Variants in CTNNA3 observed in about 807,000 individuals in gnomAD.
CTNNA3 encodes catenin alpha 3.
Under a neutral mutation model 95.7 loss-of-function variants are expected in CTNNA3, and 76 were observed. The observed-to-expected ratio is 0.79, with a 90% CI of 0.66 to 0.96. The LOEUF (loss-of-function observed/expected upper bound fraction) is 0.96. CTNNA3 is among the 40% of genes least tolerant of loss of function. The pLI is 0.00. For missense variants in CTNNA3, 1,191 were observed against 1,089.8 expected (o/e 1.09, Z -1.31); for synonymous variants, 431 against 374.4 (o/e 1.15, Z -1.74).
intron 5 of CTNNA3, among the ~76,000 whole-genome samples, chr10:67,385,367 C>T (rs753869226): frequency 6.6e-6 from 1 of 152,134 alleles, no homozygotes; most frequent in Non-Finnish European, 1.5e-5. Flanking sequence ...CAGAAGTTTT[C>T]TTTCAGAAAC....
chr10:66,202,249 G>C (rs7092793), intron 13 of CTNNA3, among the ~76,000 whole-genome samples: 125,904 of 152,208 alleles, frequency 0.83, 52,217 homozygotes, highest in South Asian at 0.92. Flanking sequence ...TCAAGTTCAG[G>C]CTAAAGGTTT....
intron 10 of CTNNA3, among the ~76,000 whole-genome samples, chr10:66,587,786 C>T (rs888692035): frequency 3.3e-5 from 5 of 152,148 alleles, no homozygotes; most frequent in African/African-American, 1.2e-4. Context: ...GTACGTAGAA[C>T]TAAAAACTGC....
intron 5 of CTNNA3, among the ~76,000 whole-genome samples, chr10:67,303,813 A>G (rs183136902): frequency 5.8e-4 from 89 of 152,240 alleles, no homozygotes; most frequent in African/African-American, 2.1e-3. Flanking sequence ...TCCATGCCGC[A>G]TCTGCTAAGT....
chr10:67,528,246 GAAAT>G (rs1840210111), intron 4 of CTNNA3, among the ~76,000 whole-genome samples: 1 of 152,112 alleles, frequency 6.6e-6, no homozygotes, highest in African/African-American at 2.4e-5. Flanking sequence ...TTTATGATGA[GAAAT>G]AAAGTTTATA....
chr10:66,687,368 C>T (rs1351757839), intron 9 of CTNNA3, among the ~76,000 whole-genome samples: 1 of 152,048 alleles, frequency 6.6e-6, no homozygotes, highest in Non-Finnish European at 1.5e-5. Flanking sequence ...CATTTCTTCT[C>T]AGCGAATTTC....
intron 12 of CTNNA3, among the ~76,000 whole-genome samples, chr10:66,331,498 C>T (rs543364703): frequency 6.6e-5 from 10 of 150,996 alleles, no homozygotes; most frequent in South Asian, 6.3e-4. Flanking sequence ...GGACTACAGG[C>T]GCGCACCACC....
At chr10:67,208,556 T>C (rs1275775865) in intron 6 of CTNNA3, among the ~76,000 whole-genome samples, 1 of 152,030 alleles carries the variant, frequency 6.6e-6, no homozygotes, top group Non-Finnish European at 1.5e-5. Flanking sequence ...GAAAAGGATA[T>C]GCAAAGTATG....
intron 15 of CTNNA3, among the ~76,000 whole-genome samples, chr10:65,989,862 C>A (rs2078503873): frequency 6.6e-6 from 1 of 152,002 alleles, no homozygotes; most frequent in Non-Finnish European, 1.5e-5. Flanking sequence ...TCTTATCCCC[C>A]CAATCCCCAA....
intron 11 of CTNNA3, among the ~76,000 whole-genome samples, chr10:66,475,914 A>C (rs969123155): frequency 6.6e-6 from 1 of 152,096 alleles, no homozygotes; most frequent in African/African-American, 2.4e-5. Context: ...ACATGCATGC[A>C]TATGTTCATT....
intron 7 of CTNNA3, among the ~76,000 whole-genome samples, chr10:67,116,188 A>G (rs1859178526): frequency 6.6e-6 from 1 of 151,914 alleles, no homozygotes; most frequent in Non-Finnish European, 1.5e-5. Context: ...ACGTGCCAGG[A>G]AATAATACTT....
intron 15 of CTNNA3, among the ~76,000 whole-genome samples, chr10:66,001,471 A>T (rs926081126): frequency 6.6e-6 from 1 of 152,170 alleles, no homozygotes; most frequent in Non-Finnish European, 1.5e-5. Flanking sequence ...GATTGAAATG[A>T]ATACAGACTT....
intron 2 of CTNNA3, 70 bp from the exon 3 acceptor site, chr10:67,607,119 G>T: frequency 8.0e-7 from 1 of 1,252,342 alleles, no homozygotes; most frequent in Non-Finnish European, 1.1e-6. Flanking sequence ...GGATATTACA[G>T]ACCAGAACAA....
chr10:67,675,858 A>C (rs959487615), intron 1 of CTNNA3, among the ~76,000 whole-genome samples: 4 of 152,206 alleles, frequency 2.6e-5, no homozygotes, highest in African/African-American at 9.6e-5. Flanking sequence ...TTAATTAATT[A>C]ATTTTTGCAT....
At chr10:66,622,871 CT>C (rs2132320947) in intron 9 of CTNNA3, among the ~76,000 whole-genome samples, 1 of 152,176 alleles carries the variant, frequency 6.6e-6, no homozygotes, top group Non-Finnish European at 1.5e-5. Flanking sequence ...ACAGTCTTTG[CT>C]TTTTTATAAC....
At chr10:67,710,528 G>A (rs553257169) in intron 1 of CTNNA3, among the ~76,000 whole-genome samples, 2 of 152,240 alleles carry the variant, frequency 1.3e-5, no homozygotes, top group African/African-American at 2.4e-5. Context: ...AGTTTTGGGG[G>A]CCTAGCCTCC....
intron 5 of CTNNA3, among the ~76,000 whole-genome samples, chr10:67,341,916 T>C (rs143549793): frequency 6.6e-6 from 1 of 152,116 alleles, no homozygotes; most frequent in East Asian, 1.9e-4. Flanking sequence ...TGTATAATTA[T>C]AGTCTTGCTT....
chr10:66,042,443 T>C (rs1376361179), intron 15 of CTNNA3, among the ~76,000 whole-genome samples: 2 of 151,970 alleles, frequency 1.3e-5, no homozygotes, highest in Non-Finnish European at 2.9e-5. Flanking sequence ...TGATAAACCT[T>C]ATATAAATGT....
intron 7 of CTNNA3, among the ~76,000 whole-genome samples, chr10:66,930,038 G>T (rs1847288747): frequency 6.6e-6 from 1 of 151,936 alleles, no homozygotes; most frequent in Non-Finnish European, 1.5e-5. Flanking sequence ...AAGAAAAAGT[G>T]AATGGCTATT....
chr10:67,314,932 G>T (rs964968538), intron 5 of CTNNA3, among the ~76,000 whole-genome samples: 1 of 152,136 alleles, frequency 6.6e-6, no homozygotes, highest in Non-Finnish European at 1.5e-5. Context: ...CAATGTTCAA[G>T]TTTCAGTCTT....
Sources: gnomAD v4.1 joint callset for allele counts (sites outside exome capture counted in the v4.1 genomes callset) on GRCh38, gnomAD v4.1.1 for gene constraint, MANE v1.5 for transcripts, NCBI Gene and HGNC (gene_info 2026-07-23, HGNC 2026-07-21) for gene names.